The following MYBL1 variants were observed in gnomAD, a reference collection of about 807,000 sequenced individuals.
The protein encoded by MYBL1 is MYB proto-oncogene like 1, also known as myb-related protein A.
In MYBL1, 17 loss-of-function variants were observed where a neutral mutation model predicts 96.3. The observed-to-expected ratio is 0.18, with a 90% confidence interval of 0.12 to 0.26. MYBL1 has a LOEUF of 0.26. Ranked by LOEUF, MYBL1 falls within the 10% of genes least tolerant of loss-of-function variation. The probability of loss-of-function intolerance (pLI) is 1.00; values close to 1 mark genes in which losing one functional copy is unlikely to be tolerated. For missense variants in MYBL1, 701 were observed against 882.9 expected, an observed-to-expected ratio of 0.79 and a Z score of 2.61; for synonymous variants, 282 against 292.7, an observed-to-expected ratio of 0.96 and a Z score of 0.37.
chr8:66,597,509 A>G lies in MYBL1; in HGVS notation c.333T>C (p.Ser111=). 1 of 1,613,166 alleles carries G rather than the reference A, an allele frequency of 6.2e-7. No homozygotes were observed. Among genetic ancestry groups the G allele is most frequent in the South Asian group, 1.1e-5 (1 of 91,002 alleles). The part of the protein sequence containing the change: ...LVQKYGPKRW[S]LIAKHLKGRI... ...TTCCTTTTAAATGTTTTGCAATTAAAGACCATCTTTTTGGCCCATATTTCT... is the reference window on the plus strand; with the variant it reads ...TTCCTTTTAAATGTTTTGCAATTAAGGACCATCTTTTTGGCCCATATTTCT... Residue 111 remains serine (S), a synonymous_variant, in exon 5 of 16, where the codon TCT becomes TCC. Transcript: ENST00000522677.
At chr8:66,590,090 AC>A (rs1426979798) in intron 8 of MYBL1, among the ~76,000 whole-genome samples, 2 of 152,108 alleles carry the variant, frequency 1.3e-5, no homozygotes, top group Non-Finnish European at 2.9e-5. Flanking sequence ...TCCCAAAAAA[AC>A]AAAAAACAGA....
Position 66,607,306 on chromosome 8 carries a change from C to G in MYBL1, c.21-4783G>C, listed in dbSNP as rs1276701396. Reference sequence around the variant, plus strand: ...AAAGCTACCGAATCAGATAAAACACCACACTGCAGCTTTCTGTCCTATTTG... The same window carrying G: ...AAAGCTACCGAATCAGATAAAACACGACACTGCAGCTTTCTGTCCTATTTG... On this transcript the variant is annotated intron_variant, in intron 1 of 15. Coordinates refer to ENST00000522677, the MANE Select transcript of MYBL1 (RefSeq NM_001080416.4). 5.9e-5 allele frequency among the ~76,000 whole-genome samples: 9 copies of G among 152,194 alleles called. No individual in the cohort carries two copies. The East Asian group carries it at 1.7e-3, about 29-fold the overall frequency.
At chr8:66,568,056 A>C (rs1466331312) in intron 12 of MYBL1, among the ~76,000 whole-genome samples, 1 of 151,866 alleles carries the variant, frequency 6.6e-6, no homozygotes, top group Non-Finnish European at 1.5e-5. Flanking sequence ...CAAAAAAAAA[A>C]AAAAAACAAC....
chr8:66,606,728 C>T (rs895495744), intron 1 of MYBL1, among the ~76,000 whole-genome samples: 1 of 152,138 alleles, frequency 6.6e-6, no homozygotes, highest in Admixed American at 6.5e-5. Context: ...AGTGTTCGCT[C>T]TCCCTGAAGC....
At chr8:66,612,563 G>A in intron 1 of MYBL1, 1 of 401,626 alleles carries the variant, frequency 2.5e-6, no homozygotes, top group Non-Finnish European at 4.3e-6. Flanking sequence ...TCAGAAATCT[G>A]GACGCGCATT....
intron 5 of MYBL1, among the ~76,000 whole-genome samples, chr8:66,596,020 G>A (rs1019016729): frequency 9.9e-5 from 15 of 152,076 alleles, no homozygotes; most frequent in African/African-American, 2.7e-4. Context: ...CACTGCTCTC[G>A]TGGAGCTTAC....
chr8:66,586,863 A>G (rs1809440662), intron 8 of MYBL1, among the ~76,000 whole-genome samples: 1 of 152,196 alleles, frequency 6.6e-6, no homozygotes, highest in Admixed American at 6.5e-5. Context: ...AGCCATAAAA[A>G]TAACATGAAA....
chr8:66,609,401 C>G (rs1008050445), intron 1 of MYBL1, among the ~76,000 whole-genome samples: 2 of 151,818 alleles, frequency 1.3e-5, no homozygotes, highest in African/African-American at 4.8e-5. Context: ...CACAAATTAA[C>G]TCAAGTCCGA....
At chr8:66,591,885 A>G (rs1038531327) in intron 8 of MYBL1, among the ~76,000 whole-genome samples, 1 of 152,146 alleles carries the variant, frequency 6.6e-6, no homozygotes. Flanking sequence ...ATAAGATTTT[A>G]CTTTACATCT....
chr8:66,572,055 T>C (rs760641071), intron 12 of MYBL1, among the ~76,000 whole-genome samples: 17 of 138,994 alleles, frequency 1.2e-4, no homozygotes, highest in Non-Finnish European at 2.5e-4. Context: ...ACGCTTGTAA[T>C]CCTAGCACTT....
Position 66,576,215 on chromosome 8 carries a change from G to T in MYBL1, c.1262C>A (p.Thr421Asn). 1 of 1,613,948 alleles carries T rather than the reference G, an allele frequency of 6.2e-7. No individual in the cohort carries two copies. Among genetic ancestry groups the T allele is most frequent in the Non-Finnish European group, 8.5e-7 (1 of 1,179,860 alleles). The change falls in exon 10 of 16, where the codon ACT becomes AAT. Residue 421 changes from threonine (T) to asparagine (N), a missense_variant. Physicochemically the swap from Thr to Asn is moderately conservative, Grantham distance 65 (BLOSUM62 0). Transcript: ENST00000522677. ...AGCTTCACTGTTGCCACCATTACAA[G>T]TGTTTTTTTTCCCTTCAAGTACAAG... ...VSLVLEGKKN[T>N]CNGGNSEAVP...
chr8:66,590,082 CCAAAA>C lies in MYBL1; in HGVS notation c.867+2353_867+2357del, dbSNP rs138737448. ...GACCAAGACCCTGACTCAAAAAATCCCAAAAAAACAAAAAACAGAAATTGCTTTTC... is the reference window on the plus strand; with the variant it reads ...GACCAAGACCCTGACTCAAAAAATCCAAACAAAAAACAGAAATTGCTTTTC... On this transcript the variant is annotated intron_variant, in intron 8 of 15. Transcript: ENST00000522677. Among the ~76,000 whole-genome samples the C allele has an allele frequency of 5.1e-3, 769 of 151,510 alleles. 6 individuals are homozygous for C. Among genetic ancestry groups the C allele is most frequent in the African/African-American group, 0.017 (689 of 41,310 alleles).
At chr8:66,594,220 T>C (rs1809764842) in intron 6 of MYBL1, among the ~76,000 whole-genome samples, 1 of 152,108 alleles carries the variant, frequency 6.6e-6, no homozygotes, top group Admixed American at 6.5e-5. Flanking sequence ...AATCACTATA[T>C]AATGCAGAAT....
rs1030976894 is a variant in MYBL1 at position 66,564,789 on chromosome 8, T to C, written c.2167A>G (p.Thr723Ala). The C allele has an allele frequency of 6.3e-7, 1 of 1,580,230 alleles. No homozygotes were observed. ...TCAGTCATAATAAGTTGGTCTTCTGTCTTCCCATAAACCACTGTTTCCCAT... is the reference window on the plus strand; with the variant it reads ...TCAGTCATAATAAGTTGGTCTTCTGCCTTCCCATAAACCACTGTTTCCCAT... ...CEWETVVYGK[T>A]EDQLIMTEQA... is the part of the protein sequence containing the mutation. The change falls in exon 16 of 16, where the codon ACA (threonine) becomes GCA (alanine). Residue 723 changes from threonine (T) to alanine (A), a missense_variant. This residue lies in a region of MYBL1 where 137 missense variants were observed against 137.5 expected (regional missense o/e 1.00). Transcript: ENST00000522677.
chr8:66,601,034 G>A (rs73250226), intron 3 of MYBL1, among the ~76,000 whole-genome samples: 4,270 of 151,590 alleles, frequency 0.028, 206 homozygotes, highest in African/African-American at 0.096. Context: ...AAAGTTAGAC[G>A]GATGTGGTGG....
chr8:66,570,595 T>C lies in MYBL1; in HGVS notation c.1728+1887A>G, dbSNP rs571438455. ...CATGACCCTATGAAGGCAGGAACCATACTTGACCTTTTCAACATTCTTTCC... is the reference window on the plus strand; with the variant it reads ...CATGACCCTATGAAGGCAGGAACCACACTTGACCTTTTCAACATTCTTTCC... On this transcript the variant is annotated intron_variant, in intron 12 of 15. Coordinates refer to ENST00000522677, the MANE Select transcript of MYBL1 (RefSeq NM_001080416.4). Among the ~76,000 whole-genome samples the C allele has an allele frequency of 2.0e-5, 3 of 152,342 alleles. No homozygotes were observed. In the East Asian group the frequency reaches 5.8e-4, roughly 29 times the overall value.
intron 4 of MYBL1, among the ~76,000 whole-genome samples, chr8:66,597,993 T>A (rs965216622): frequency 6.6e-6 from 1 of 152,128 alleles, no homozygotes; most frequent in African/African-American, 2.4e-5. Context: ...TATTCTTTTT[T>A]CCACATTTTA....
chr8:66,565,743 A>G (rs1170609658), intron 15 of MYBL1, among the ~76,000 whole-genome samples: 1 of 152,128 alleles, frequency 6.6e-6, no homozygotes, highest in African/African-American at 2.4e-5. Context: ...TTTTCAGAAT[A>G]GCAATTAGGG....
At chr8:66,592,604 A>G (rs1006579279) in intron 7 of MYBL1, 60 bp from the exon 8 acceptor site, 1 of 981,290 alleles carries the variant, frequency 1.0e-6, no homozygotes. Context: ...TATTATTAGT[A>G]TTCTCATTTT....
Sources: allele counts gnomAD v4.1 joint callset (sites outside exome capture counted in the v4.1 genomes callset), GRCh38; gene constraint gnomAD v4.1.1; regional missense constraint gnomAD v4.1.1; transcripts MANE v1.5; gene names NCBI Gene and HGNC (gene_info 2026-07-23, HGNC 2026-07-21).